EGFR: variants seen among roughly 807,000 people sequenced by gnomAD.
EGFR encodes the protein avian erythroblastic leukemia viral (v-erb-b) oncogene homolog.
In EGFR, 58 loss-of-function variants were observed where a neutral mutation model predicts 143.0. The observed-to-expected ratio is 0.41, with a 90% CI of 0.33 to 0.50. EGFR has a LOEUF of 0.50. EGFR is among the 20% of genes least tolerant of loss of function. The pLI is 0.39. For synonymous variants in EGFR, 613 were observed against 594.4 expected, an observed-to-expected ratio of 1.03 and a Z score of -0.45; for missense variants, 1,307 against 1,579.0, an observed-to-expected ratio of 0.83 and a Z score of 2.92.
chr7:55,163,907 C>CATCA, intron 14 of EGFR, 84 bp downstream of exon 14: 2 of 1,480,534 alleles, frequency 1.4e-6, no homozygotes, highest in Non-Finnish European at 1.9e-6. Flanking sequence ...CCCAGGGCAT[C>CATCA]CTGTGTGGGC....
At chr7:55,068,176 A>G (rs1271009748) in intron 1 of EGFR, among the ~76,000 whole-genome samples, 1 of 152,152 alleles carries the variant, frequency 6.6e-6, no homozygotes, top group Non-Finnish European at 1.5e-5. Context: ...TCAAAAGAAC[A>G]GTTGTTTTGG....
chr7:55,171,420 G>A (rs1167965495), intron 16 of EGFR, among the ~76,000 whole-genome samples: 1 of 152,242 alleles, frequency 6.6e-6, no homozygotes, highest in Admixed American at 6.5e-5. Context: ...CCTCAGTGGA[G>A]GGAAAGTTGG....
intron 15 of EGFR, 93 bp from the exon 16 acceptor site, chr7:55,171,082 A>C: frequency 6.3e-7 from 1 of 1,578,350 alleles, no homozygotes; most frequent in Non-Finnish European, 8.6e-7. Flanking sequence ...GTAGTTTAGC[A>C]TATATTGCTT....
chr7:55,183,787 G>A (rs973182232), intron 20 of EGFR, among the ~76,000 whole-genome samples: 14 of 152,292 alleles, frequency 9.2e-5, no homozygotes, highest in Non-Finnish European at 8.8e-5. Flanking sequence ...TGTCCCAACC[G>A]GGAGGTGAGC....
chr7:55,138,119 T>C (rs945769944), intron 1 of EGFR, among the ~76,000 whole-genome samples: 3 of 152,232 alleles, frequency 2.0e-5, no homozygotes, highest in African/African-American at 7.2e-5. Flanking sequence ...AAAATAGATA[T>C]GTGATAAGGT....
intron 20 of EGFR, among the ~76,000 whole-genome samples, chr7:55,187,908 G>T (rs892798617): frequency 2.6e-5 from 4 of 152,174 alleles, no homozygotes; most frequent in African/African-American, 9.7e-5. Context: ...GATGAGGCCT[G>T]AGAAAGCCCT....
rs766740458 is a variant in EGFR, at chr7:55,155,913, A to C, written c.973A>C (p.Lys325Gln). 1 of 1,614,026 alleles carries C rather than the reference A, an allele frequency of 6.2e-7. No homozygotes were observed. The highest frequency in any genetic ancestry group is 8.5e-7 in the Non-Finnish European group (1 of 1,179,996). ...SYEMEEDGVR[K>Q]CKKCEGPCRK... ...TGAGATGGAGGAAGACGGCGTCCGCAAGTGTAAGAAGTGCGAAGGGCCTTG... is the reference window on the plus strand; with the variant it reads ...TGAGATGGAGGAAGACGGCGTCCGCCAGTGTAAGAAGTGCGAAGGGCCTTG... The change falls in exon 8 of 28, where the codon AAG (lysine) becomes CAG (glutamine). Residue 325 changes from lysine to glutamine, a missense_variant. Transcript: ENST00000275493.
In EGFR at chr7:55,143,218, G is replaced by A. The variant is rs17289582; in HGVS notation, c.241-87G>A. On this transcript the variant is annotated intron_variant, in intron 2 of 27. Transcript: ENST00000275493. ...CGTGTGCATTAGGGTTCAACTGGGC[G>A]TCCTAGGGCTCCCTGGACCCATTTT... 491 of 1,448,010 alleles carry A rather than the reference G, an allele frequency of 3.4e-4. 2 individuals are homozygous for A. The highest frequency in any genetic ancestry group is 3.1e-3 in the African/African-American group (221 of 71,690). The allele number at this position is 1,448,010 out of a possible 1,614,324, so 89.7% of individuals were successfully genotyped here. A position where few individuals can be genotyped will look rare whatever the true frequency, so the allele number is the denominator to read the frequency against.
intron 1 of EGFR, among the ~76,000 whole-genome samples, chr7:55,065,174 A>T (rs1257144224): frequency 6.6e-6 from 1 of 152,182 alleles, no homozygotes; most frequent in Non-Finnish European, 1.5e-5. Flanking sequence ...ACTTCCTCAG[A>T]TGTGCAACTC....
At chr7:55,184,624 A>G (rs1787050221) in intron 20 of EGFR, among the ~76,000 whole-genome samples, 1 of 152,192 alleles carries the variant, frequency 6.6e-6, no homozygotes, top group African/African-American at 2.4e-5. Context: ...AATATTACCT[A>G]CAATTTCAAT....
chr7:55,204,340 A>G (rs758206145), intron 27 of EGFR, among the ~76,000 whole-genome samples: 1 of 148,668 alleles, frequency 6.7e-6, no homozygotes, highest in Non-Finnish European at 1.5e-5. Context: ...CCACATACAC[A>G]TATGTATGCA....
At chr7:55,094,356 CG>C (rs1330704014) in intron 1 of EGFR, among the ~76,000 whole-genome samples, 1 of 152,062 alleles carries the variant, frequency 6.6e-6, no homozygotes, top group South Asian at 2.1e-4. Context: ...GCTGCCAGGT[CG>C]GGGGGCAGGG....
chr7:55,138,002 A>C (rs1794249088), intron 1 of EGFR, among the ~76,000 whole-genome samples: 1 of 152,218 alleles, frequency 6.6e-6, no homozygotes, highest in Admixed American at 6.5e-5. Context: ...CTGCAAACTA[A>C]TATTGAACTC....
At chr7:55,045,619 C>G (rs1788140768) in intron 1 of EGFR, among the ~76,000 whole-genome samples, 1 of 152,164 alleles carries the variant, frequency 6.6e-6, no homozygotes, top group Non-Finnish European at 1.5e-5. Flanking sequence ...AGTGGAGACA[C>G]CTCAATCTCT....
intron 1 of EGFR, among the ~76,000 whole-genome samples, chr7:55,044,990 C>A (rs1788106357): frequency 6.6e-6 from 1 of 152,166 alleles, no homozygotes; most frequent in South Asian, 2.1e-4. Flanking sequence ...TGCAGACATT[C>A]CGGCCATCTA....
chr7:55,020,193 T>G (rs1010826119), intron 1 of EGFR, among the ~76,000 whole-genome samples: 1 of 152,136 alleles, frequency 6.6e-6, no homozygotes, highest in Non-Finnish European at 1.5e-5. Context: ...CGCCCTCGTC[T>G]TGCCTATCCA....
intron 1 of EGFR, among the ~76,000 whole-genome samples, chr7:55,027,600 T>C (rs952618200): frequency 2.0e-5 from 3 of 152,190 alleles, no homozygotes; most frequent in Non-Finnish European, 4.4e-5. Flanking sequence ...AGGTTATAGT[T>C]GATAGCTTTA....
intron 10 of EGFR, among the ~76,000 whole-genome samples, chr7:55,157,426 C>T (rs1385813784): frequency 6.6e-6 from 1 of 152,194 alleles, no homozygotes; most frequent in East Asian, 1.9e-4. Flanking sequence ...GCCAGGGGGG[C>T]GGCGGGAGAC....
chr7:55,084,851 C>T (rs1790662865), intron 1 of EGFR, among the ~76,000 whole-genome samples: 1 of 152,096 alleles, frequency 6.6e-6, no homozygotes, highest in Admixed American at 6.6e-5. Context: ...CTGAGATGCT[C>T]TTAGCCATTC....
Sources: allele counts gnomAD v4.1 joint callset (sites outside exome capture counted in the v4.1 genomes callset), GRCh38; gene constraint gnomAD v4.1.1; transcripts MANE v1.5; gene names NCBI Gene and HGNC (gene_info 2026-07-23, HGNC 2026-07-21).